The following GLDC variants were observed in gnomAD, a reference collection of about 807,000 sequenced individuals.
The protein encoded by GLDC is glycine dehydrogenase (decarboxylating), mitochondrial.
In GLDC, 104 loss-of-function variants were observed where a neutral mutation model predicts 121.3. The observed-to-expected ratio is 0.86, with a 90% CI of 0.73 to 1.01. The LOEUF (loss-of-function observed/expected upper bound fraction) is 1.01. Among genes scored for constraint, GLDC ranks in the 50% least tolerant of loss-of-function variants. The pLI is 0.00. For synonymous variants in GLDC, 546 were observed against 480.6 expected (o/e 1.14, Z -1.78); for missense variants, 1,429 against 1,306.6 (o/e 1.09, Z -1.44).
intron 8 of GLDC, among the ~76,000 whole-genome samples, chr9:6,597,426 C>T (rs186859151): frequency 2.5e-4 from 38 of 152,238 alleles, no homozygotes; most frequent in African/African-American, 8.9e-4. Context: ...CTTTACTACA[C>T]CTGACTTTAG....
intron 20 of GLDC, among the ~76,000 whole-genome samples, chr9:6,551,444 T>C (rs1817512501): frequency 6.6e-6 from 1 of 152,224 alleles, no homozygotes; most frequent in Admixed American, 6.5e-5. Context: ...ACATCATCAC[T>C]GCAAAGAGCT....
At chr9:6,538,016 G>C (rs1383482819) in intron 22 of GLDC, among the ~76,000 whole-genome samples, 1 of 152,010 alleles carries the variant, frequency 6.6e-6, no homozygotes, top group African/African-American at 2.4e-5. Context: ...ACATATTTTT[G>C]TGATAAAACT....
chr9:6,587,326 T>C (rs1260029666), intron 14 of GLDC, 43 bp from the exon 15 acceptor site: 2 of 1,332,288 alleles, frequency 1.5e-6, no homozygotes, highest in Admixed American at 1.7e-5. Context: ...CATATTATAA[T>C]AGCAATAGCA....
At chr9:6,580,418 G>A (rs1358699187) in intron 15 of GLDC, among the ~76,000 whole-genome samples, 2 of 152,264 alleles carry the variant, frequency 1.3e-5, no homozygotes, top group African/African-American at 4.8e-5. Flanking sequence ...AACCAACAAG[G>A]CTGGAAGAGA....
In GLDC at chr9:6,554,676, TG is replaced by T. The variant is rs1563834957; in HGVS notation, c.2307del (p.Ile770SerfsTer3). 2 of 1,609,168 alleles carry T rather than the reference TG, an allele frequency of 1.2e-6. No individual in the cohort carries two copies. Among genetic ancestry groups the T allele is most frequent in the Admixed American group, 1.7e-5 (1 of 59,956 alleles). On this transcript the variant is annotated frameshift_variant, in exon 19 of 25. Transcript: ENST00000321612. LOFTEE classifies it high-confidence loss of function. ...CAGCAGCCCAGAACTTACACTCCGA[TG>T]GGCCCCATGCCAGGACCACCTCCTC... ...PHGGGGPGMG[P>X]IGVKKHLAPF...
At chr9:6,573,008 C>A (rs1397814480) in intron 15 of GLDC, among the ~76,000 whole-genome samples, 1 of 152,142 alleles carries the variant, frequency 6.6e-6, no homozygotes, top group Non-Finnish European at 1.5e-5. Context: ...ATTTGCTGCC[C>A]TTTTCAAAGC....
chr9:6,603,022 G>C (rs999165429), intron 7 of GLDC, among the ~76,000 whole-genome samples: 1 of 152,076 alleles, frequency 6.6e-6, no homozygotes, highest in African/African-American at 2.4e-5. Flanking sequence ...GAGGTCCAGA[G>C]TTTGAGACCA....
intron 7 of GLDC, among the ~76,000 whole-genome samples, chr9:6,602,577 T>C (rs1262882576): frequency 6.6e-6 from 1 of 152,064 alleles, no homozygotes; most frequent in Non-Finnish European, 1.5e-5. Flanking sequence ...GGTCTTGAAC[T>C]CCTGGCCTCA....
intron 21 of GLDC, among the ~76,000 whole-genome samples, chr9:6,549,072 C>T (rs938408651): frequency 6.6e-6 from 1 of 152,168 alleles, no homozygotes; most frequent in Non-Finnish European, 1.5e-5. Context: ...CTACCAAAGG[C>T]TTCCTAATTG....
chr9:6,643,508 G>T (rs1231612697), intron 2 of GLDC, among the ~76,000 whole-genome samples: 1 of 145,606 alleles, frequency 6.9e-6, no homozygotes, highest in African/African-American at 2.6e-5. Flanking sequence ...GTATCTCCAT[G>T]ATTGAAAGTG....
intron 19 of GLDC, among the ~76,000 whole-genome samples, chr9:6,553,841 A>G (rs1230750345): frequency 6.6e-6 from 1 of 152,084 alleles, no homozygotes; most frequent in East Asian, 1.9e-4. Flanking sequence ...CTTTCCCAAG[A>G]TGGACATAGG....
At chr9:6,636,232 A>T (rs959213966) in intron 2 of GLDC, among the ~76,000 whole-genome samples, 1 of 151,270 alleles carries the variant, frequency 6.6e-6, no homozygotes, top group African/African-American at 2.4e-5. Flanking sequence ...TGAACCCAGG[A>T]GGCGGAGGTT....
intron 6 of GLDC, 65 bp downstream of exon 6, chr9:6,605,066 G>C: frequency 7.2e-7 from 1 of 1,391,706 alleles, no homozygotes. Flanking sequence ...CAGAGAGAGA[G>C]ATAGGTAGAC....
At chr9:6,644,229 T>C (rs947311031) in intron 2 of GLDC, among the ~76,000 whole-genome samples, 5 of 151,784 alleles carry the variant, frequency 3.3e-5, no homozygotes, top group Non-Finnish European at 5.9e-5. Flanking sequence ...TGCACGACCT[T>C]AGGCAATTCC....
In GLDC at chr9:6,550,849, G is replaced by A. The variant is rs762805307; in HGVS notation, c.2523C>T (p.Ala841=). 1.2e-6 allele frequency: 2 copies of A among 1,613,470 alleles called. No individual in the cohort carries two copies. The highest frequency in any genetic ancestry group is 1.3e-5 in the African/African-American group (1 of 74,898). Reference sequence around the variant, plus strand: ...TTCTGTAGTGTGTTTCTAATCGCTTGGCCATGTAGTTGGCATTTAATATCG... The same window carrying A: ...TTCTGTAGTGTGTTTCTAATCGCTTAGCCATGTAGTTGGCATTTAATATCG... The part of the protein sequence containing the change: ...ETAILNANYM[A]KRLETHYRIL... Residue 841 remains alanine (A), a synonymous_variant, in exon 21 of 25, where the codon GCC becomes GCT. Coordinates refer to ENST00000321612, the MANE Select transcript of GLDC (RefSeq NM_000170.3).
chr9:6,574,335 C>T (rs1035479050), intron 15 of GLDC, among the ~76,000 whole-genome samples: 6 of 151,748 alleles, frequency 4.0e-5, no homozygotes, highest in South Asian at 2.1e-4. Flanking sequence ...GGCGTGGTGG[C>T]GGGTGCCTGT....
At chr9:6,604,996 G>T (rs1818700562) in intron 6 of GLDC, 135 bp downstream of exon 6, 1 of 1,015,094 alleles carries the variant, frequency 9.9e-7, no homozygotes. Context: ...CAAGGAGTCA[G>T]GAAGGAGAGT....
intron 16 of GLDC, 21 bp from the exon 17 acceptor site, chr9:6,558,705 A>T (rs772159246): frequency 1.2e-6 from 2 of 1,614,010 alleles, no homozygotes; most frequent in East Asian, 2.2e-5. Context: ...GAAAGGAAGC[A>T]AAGAAAGAGC....
chr9:6,619,819 G>A (rs2578264), intron 3 of GLDC, among the ~76,000 whole-genome samples: 20,167 of 152,160 alleles, frequency 0.13, 1,375 homozygotes, highest in Admixed American at 0.19. Context: ...TAGCTCAGAA[G>A]TAGCCTATGT....
Sources: gnomAD v4.1 joint callset for allele counts (sites outside exome capture counted in the v4.1 genomes callset) on GRCh38, gnomAD v4.1.1 for gene constraint, MANE v1.5 for transcripts, NCBI Gene and HGNC (gene_info 2026-07-23, HGNC 2026-07-21) for gene names.